The following NAA60 variants were observed in gnomAD, a reference collection of about 807,000 sequenced individuals.
The protein encoded by NAA60 is N-alpha-acetyltransferase 60, NatF catalytic subunit.
NAA60 carries 8 observed loss-of-function variants against 26.1 expected under a neutral mutation model. That is an observed-to-expected ratio of 0.31 (90% confidence interval 0.18 to 0.55). The LOEUF is 0.55. Among genes scored for constraint, NAA60 ranks in the 20% least tolerant of loss-of-function variants. The pLI, the probability that NAA60 is intolerant of heterozygous loss-of-function variation, is 0.93. For missense variants in NAA60, 290 were observed against 311.3 expected (o/e 0.93, Z 0.51); for synonymous variants, 131 against 122.5 (o/e 1.07, Z -0.46).
intron 2 of NAA60, among the ~76,000 whole-genome samples, chr16:3,460,334 A>G (rs539636915): frequency 2.0e-5 from 3 of 152,222 alleles, no homozygotes; most frequent in South Asian, 4.1e-4. Flanking sequence ...CGAAGCCCTC[A>G]TGACTGTTTG....
intron 2 of NAA60, among the ~76,000 whole-genome samples, chr16:3,452,138 A>G (rs1172646655): frequency 6.6e-6 from 1 of 152,168 alleles, no homozygotes; most frequent in Non-Finnish European, 1.5e-5. Context: ...ACTTGAGACC[A>G]GGAGGTTGAC....
At chr16:3,443,957 G>A in intron 1 of NAA60, 120 bp downstream of exon 1, 1 of 1,393,730 alleles carries the variant, frequency 7.2e-7, no homozygotes, top group Non-Finnish European at 9.3e-7. Context: ...GTCTTGAGCG[G>A]ATGGTGGGGC....
rs561434389 is a variant in NAA60, at chr16:3,484,888, C to T, written c.*33C>T. 2.6e-6 allele frequency: 4 copies of T among 1,550,888 alleles called. No individual in the cohort carries two copies. The highest frequency in any genetic ancestry group is 3.5e-6 in the Non-Finnish European group (4 of 1,147,516). ...TGGGCAGCCGCCACCAGGCCCCACC[C>T]TTCGGCCGCCCGCAGAGCCCGCCTT... is the stretch of plus-strand genomic sequence containing the variant. On this transcript the variant is annotated 3_prime_UTR_variant, in exon 7 of 8. Transcript: ENST00000407558.
intron 2 of NAA60, among the ~76,000 whole-genome samples, chr16:3,474,443 C>T (rs114219259): frequency 0.017 from 2,627 of 152,326 alleles, 68 homozygotes; most frequent in African/African-American, 0.057. Flanking sequence ...GCAGAGAAGG[C>T]TCCAGGAATC....
chr16:3,444,713 C>T (rs1394575954), intron 1 of NAA60, among the ~76,000 whole-genome samples: 1 of 152,136 alleles, frequency 6.6e-6, no homozygotes, highest in African/African-American at 2.4e-5. Context: ...AATTCGGTGG[C>T]CCAGTGACAA....
Position 3,484,701 on chromosome 16 carries a change from A to T in NAA60, c.575A>T (p.Asp192Val). 2 of 1,590,106 alleles carry T rather than the reference A, an allele frequency of 1.3e-6. No homozygotes were observed. Among genetic ancestry groups the T allele is most frequent in the Non-Finnish European group, 8.6e-7 (1 of 1,169,346 alleles). Residue 192 changes from aspartate to valine, a missense_variant and splice_region_variant, in exon 7 of 8, where the codon GAC becomes GTC. Transcript: ENST00000407558. ...AATCTTCCTTAACAGAGCCCCACGG[A>T]CTACATCCAGCACCTGGGCTCTGCA... ...NGGHPPWTIL[D>V]YIQHLGSALA...
In NAA60 at chr16:3,482,570, C is replaced by G; in HGVS notation, c.309C>G (p.Val103=). 1 of 1,608,296 alleles carries G rather than the reference C, an allele frequency of 6.2e-7. No individual in the cohort carries two copies. The highest frequency in any genetic ancestry group is 8.5e-7 in the Non-Finnish European group (1 of 1,177,404). The change falls in exon 5 of 8, where the codon GTC becomes GTG. Residue 103 remains valine, a synonymous_variant. Transcript: ENST00000407558. Reference sequence around the variant, plus strand: ...TCGCGTACATCCTAAGTCTGGGCGTCGTGAAAGAGTTCAGGAAGCACGGCA... The same window carrying G: ...TCGCGTACATCCTAAGTCTGGGCGTGGTGAAAGAGTTCAGGAAGCACGGCA... ...TQVAYILSLG[V]VKEFRKHGIG...
At chr16:3,455,433 C>A (rs2150953280) in intron 2 of NAA60, among the ~76,000 whole-genome samples, 1 of 120,304 alleles carries the variant, frequency 8.3e-6, no homozygotes, top group Non-Finnish European at 1.6e-5. Flanking sequence ...CTCTGTCTGT[C>A]ACCCAGGCTG....
At chr16:3,480,808 A>C (rs1195924429) in intron 4 of NAA60, among the ~76,000 whole-genome samples, 2 of 152,176 alleles carry the variant, frequency 1.3e-5, no homozygotes, top group East Asian at 3.9e-4. Flanking sequence ...CAGGAGGCTG[A>C]GGCACAAGAA....
intron 2 of NAA60, among the ~76,000 whole-genome samples, chr16:3,456,510 C>T (rs1162746405): frequency 6.6e-6 from 1 of 151,980 alleles, no homozygotes; most frequent in African/African-American, 2.4e-5. Flanking sequence ...AAGAATAATG[C>T]GCTTCACCAG....
upstream of NAA60, chr16:3,443,671 C>A: frequency 8.8e-6 from 12 of 1,370,874 alleles, no homozygotes; most frequent in South Asian, 1.6e-5. Flanking sequence ...TTTCTCTAAG[C>A]AACCATTTCC....
In NAA60 at chr16:3,471,346, C is replaced by CA. The variant is rs201361498; in HGVS notation, c.-6-4869dup. On this transcript the variant is annotated intron_variant, in intron 2 of 7. Coordinates refer to ENST00000407558, the MANE Select transcript of NAA60 (RefSeq NM_001083601.3). ...GAAACCCCATCTCTACTAAAAATAC[C>CA]AAAAAAATTAGCCAGGTGTGGTAGC... 5.5e-3 allele frequency among the ~76,000 whole-genome samples: 839 copies of CA among 151,752 alleles called. 8 individuals carry two copies. Among genetic ancestry groups the CA allele is most frequent in the African/African-American group, 0.018 (745 of 41,400 alleles).
At chr16:3,457,645 C>A (rs2035063244) in intron 2 of NAA60, among the ~76,000 whole-genome samples, 2 of 152,216 alleles carry the variant, frequency 1.3e-5, no homozygotes, top group African/African-American at 4.8e-5. Flanking sequence ...CACCTGCTTT[C>A]AGTTGTTGGC....
At chr16:3,461,348 C>T (rs1222483746) in intron 2 of NAA60, among the ~76,000 whole-genome samples, 1 of 152,104 alleles carries the variant, frequency 6.6e-6, no homozygotes, top group Non-Finnish European at 1.5e-5. Context: ...GCCAGAGTGC[C>T]CCCCTGCGGA....
intron 2 of NAA60, among the ~76,000 whole-genome samples, chr16:3,461,089 T>C (rs2035362227): frequency 6.6e-6 from 1 of 152,132 alleles, no homozygotes; most frequent in Admixed American, 6.5e-5. Context: ...TAGCATGACC[T>C]CTGATAGGAG....
chr16:3,460,000 G>C (rs556120848), intron 2 of NAA60, among the ~76,000 whole-genome samples: 1 of 152,358 alleles, frequency 6.6e-6, no homozygotes, highest in Non-Finnish European at 1.5e-5. Context: ...ATTGTGCCCT[G>C]TTCTTGCTAA....
intron 2 of NAA60, among the ~76,000 whole-genome samples, chr16:3,454,689 A>C (rs972887152): frequency 6.6e-6 from 1 of 152,202 alleles, no homozygotes; most frequent in South Asian, 2.1e-4. Context: ...TCAGCCCTGA[A>C]GTCGATGGTG....
chr16:3,460,400 G>A (rs796321501), intron 2 of NAA60, among the ~76,000 whole-genome samples: 5 of 152,282 alleles, frequency 3.3e-5, no homozygotes, highest in African/African-American at 1.2e-4. Flanking sequence ...TTCTCACTCT[G>A]TCGCCCAGGC....
In NAA60 at chr16:3,484,849, C is replaced by T. The variant is rs1051474713; in HGVS notation, c.723C>T (p.Thr241=). Residue 241 remains threonine (T), a synonymous_variant, in exon 7 of 8, where the codon ACC becomes ACT. Coordinates refer to ENST00000407558, the MANE Select transcript of NAA60 (RefSeq NM_001083601.3). ...AGAGTGGCATCGAGTACAGCCGGAC[C>T]ATGTGATGTCGGCTGGGCAGCCGCC... The part of the protein sequence containing the change: ...SSKSGIEYSR[T]M 1.3e-6 allele frequency: 2 copies of T among 1,559,108 alleles called. No homozygotes were observed. Among genetic ancestry groups the T allele is most frequent in the African/African-American group, 1.4e-5 (1 of 73,340 alleles).
Sources: allele counts gnomAD v4.1 joint callset (sites outside exome capture counted in the v4.1 genomes callset), GRCh38; gene constraint gnomAD v4.1.1; transcripts MANE v1.5; gene names NCBI Gene and HGNC (gene_info 2026-07-23, HGNC 2026-07-21).